Variants in COL15A1 observed in about 807,000 individuals in gnomAD.
COL15A1 encodes the protein collagen type XV alpha 1 chain, also known as collagen alpha-1(XV) chain.
COL15A1 carries 111 observed loss-of-function variants against 165.9 expected under a neutral mutation model. The observed-to-expected ratio is 0.67, with a 90% confidence interval of 0.57 to 0.78. The LOEUF (loss-of-function observed/expected upper bound fraction) is 0.78. Among genes scored for constraint, COL15A1 ranks in the 30% least tolerant of loss-of-function variants. The pLI is 0.00. For missense variants in COL15A1, 1,745 were observed against 1,789.7 expected (o/e 0.98, Z 0.45); for synonymous variants, 659 against 674.8 (o/e 0.98, Z 0.36).
chr9:99,036,543 A>G (rs1245283407), intron 21 of COL15A1, 147 bp downstream of exon 21: 65 of 700,800 alleles, frequency 9.3e-5, no homozygotes, highest in Non-Finnish European at 1.4e-4. Flanking sequence ...GCCAGCACCT[A>G]CCTGTTCCTC....
At chr9:98,971,813 C>A (rs551261566) in intron 2 of COL15A1, among the ~76,000 whole-genome samples, 1 of 152,294 alleles carries the variant, frequency 6.6e-6, no homozygotes, top group East Asian at 1.9e-4. Flanking sequence ...AGGGGAGTCA[C>A]CCCATGCTCT....
intron 14 of COL15A1, 59 bp downstream of exon 14, chr9:99,023,508 G>A: frequency 1.2e-6 from 1 of 839,322 alleles, no homozygotes; most frequent in Non-Finnish European, 2.0e-6. Context: ...TAACCCCAGA[G>A]GGAGGGACGT....
At chr9:98,990,430 G>A (rs1199415459) in intron 5 of COL15A1, among the ~76,000 whole-genome samples, 1 of 152,226 alleles carries the variant, frequency 6.6e-6, no homozygotes, top group Non-Finnish European at 1.5e-5. Flanking sequence ...CCTACCTGGT[G>A]ATTGGGGAGG....
chr9:99,034,914 T>G, intron 17 of COL15A1, 100 bp from the exon 18 acceptor site: 2 of 1,083,792 alleles, frequency 1.8e-6, no homozygotes, highest in South Asian at 1.3e-5. Flanking sequence ...TTCATCAACC[T>G]AATTAACTTC....
chr9:99,055,558 G>A (rs1432338685), intron 34 of COL15A1, among the ~76,000 whole-genome samples, 186 bp downstream of exon 34: 1 of 152,204 alleles, frequency 6.6e-6, no homozygotes, highest in Non-Finnish European at 1.5e-5. Flanking sequence ...CTGGAGAGAA[G>A]GTAGCTGGTC....
intron 16 of COL15A1, among the ~76,000 whole-genome samples, chr9:99,031,203 C>T (rs1173812490): frequency 1.3e-5 from 2 of 152,192 alleles, no homozygotes; most frequent in Non-Finnish European, 2.9e-5. Context: ...ACTCCAGCCT[C>T]AGAGCCTGCC....
chr9:98,993,630 G>A (rs1838489755), intron 5 of COL15A1, among the ~76,000 whole-genome samples: 1 of 152,224 alleles, frequency 6.6e-6, no homozygotes, highest in South Asian at 2.1e-4. Flanking sequence ...GGAGATGGTT[G>A]CTGGAGGCAC....
At chr9:99,043,132 G>T (rs879702534) in intron 24 of COL15A1, among the ~76,000 whole-genome samples, 1 of 151,978 alleles carries the variant, frequency 6.6e-6, no homozygotes, top group Admixed American at 6.6e-5. Context: ...TGGGATGGGG[G>T]AACTCCTCTC....
intron 32 of COL15A1, 141 bp downstream of exon 32, chr9:99,054,797 C>T (rs2117914691): frequency 4.3e-6 from 4 of 928,398 alleles, no homozygotes; most frequent in African/African-American, 3.4e-5. Context: ...CTAGTGAAAA[C>T]CAAGCATGGG....
At chr9:99,034,500 C>T (rs1171643344) in intron 16 of COL15A1, 49 bp from the exon 17 acceptor site, 1 of 1,535,322 alleles carries the variant, frequency 6.5e-7, no homozygotes, top group Non-Finnish European at 8.7e-7. Flanking sequence ...GAACACACCT[C>T]ATGACATATG....
At chr9:98,973,830 G>A (rs1838100416) in intron 2 of COL15A1, among the ~76,000 whole-genome samples, 1 of 152,250 alleles carries the variant, frequency 6.6e-6, no homozygotes, top group Non-Finnish European at 1.5e-5. Flanking sequence ...GGGGCGGTTA[G>A]AAAAACTGAA....
chr9:99,019,234 C>A (rs947212704), intron 11 of COL15A1, among the ~76,000 whole-genome samples: 6 of 152,136 alleles, frequency 3.9e-5, no homozygotes, highest in Non-Finnish European at 8.8e-5. Flanking sequence ...CACTCTCTTG[C>A]CCAGACTAGA....
chr9:98,989,023 GACAC>G (rs67974914), intron 4 of COL15A1, among the ~76,000 whole-genome samples, 151 bp from the exon 5 acceptor site: 5,472 of 144,326 alleles, frequency 0.038, 112 homozygotes, highest in African/African-American at 0.054. Flanking sequence ...GTCTCTCATA[GACAC>G]ACACACACAC....
intron 9 of COL15A1, 47 bp from the exon 10 acceptor site, chr9:99,015,370 G>C: frequency 6.9e-7 from 1 of 1,448,802 alleles, no homozygotes; most frequent in South Asian, 1.1e-5. Flanking sequence ...CACTGAACCA[G>C]GGGCATGGGC....
At chr9:99,057,463 G>A (rs1231368070) in intron 35 of COL15A1, among the ~76,000 whole-genome samples, 2 of 152,106 alleles carry the variant, frequency 1.3e-5, no homozygotes, top group Non-Finnish European at 2.9e-5. Flanking sequence ...TGCAAAACTG[G>A]CAAAATTAAA....
chr9:98,975,393 C>A (rs532476982), intron 2 of COL15A1, among the ~76,000 whole-genome samples: 15 of 152,232 alleles, frequency 9.9e-5, no homozygotes, highest in Non-Finnish European at 1.9e-4. Context: ...GAAGGGGAAA[C>A]CGAGGCCCAG....
intron 10 of COL15A1, 124 bp downstream of exon 10, chr9:99,015,690 G>A: frequency 1.1e-6 from 1 of 918,878 alleles, no homozygotes; most frequent in South Asian, 1.6e-5. Context: ...TGTCTGGGTG[G>A]GCAGCTGCTG....
intron 5 of COL15A1, among the ~76,000 whole-genome samples, chr9:98,990,696 A>C (rs1385543090): frequency 1.3e-5 from 2 of 152,172 alleles, no homozygotes; most frequent in Non-Finnish European, 2.9e-5. Context: ...TAGGGCAGAG[A>C]AGCTTGGGAG....
At chr9:99,020,528 T>C (rs542682497) in intron 12 of COL15A1, 86 bp downstream of exon 12, 5 of 929,070 alleles carry the variant, frequency 5.4e-6, no homozygotes, top group East Asian at 2.5e-5. Context: ...TAGCCCACTC[T>C]GATCAAGGGG....
Sources: gnomAD v4.1 joint callset for allele counts (sites outside exome capture counted in the v4.1 genomes callset) on GRCh38, gnomAD v4.1.1 for gene constraint, MANE v1.5 for transcripts, NCBI Gene and HGNC (gene_info 2026-07-23, HGNC 2026-07-21) for gene names.